TEX10: variants seen among roughly 807,000 people sequenced by gnomAD.
TEX10 encodes testis-expressed protein 10.
In TEX10, 24 loss-of-function variants were observed where a neutral mutation model predicts 104.4. The observed-to-expected ratio is 0.23, with a 90% CI of 0.17 to 0.32. The LOEUF (loss-of-function observed/expected upper bound fraction) is 0.32, where lower values mean the gene tolerates loss of function less well. TEX10 is among the 10% of genes least tolerant of loss of function. The pLI, the probability that TEX10 is intolerant of heterozygous loss-of-function variation, is 1.00. For synonymous variants in TEX10, 396 were observed against 393.4 expected (o/e 1.01, Z -0.08); for missense variants, 921 against 1,083.9 (o/e 0.85, Z 2.11).
At chr9:100,305,712 A>G (rs1834127140) in intron 13 of TEX10, 1 of 152,268 alleles carries the variant, frequency 6.6e-6, no homozygotes, top group East Asian at 1.9e-4. Context: ...AACAGTCATA[A>G]AAACTGTATG....
chr9:100,312,737 G>A (rs1834311564), intron 11 of TEX10, among the ~76,000 whole-genome samples: 2 of 152,124 alleles, frequency 1.3e-5, no homozygotes, highest in African/African-American at 4.8e-5. Context: ...CCGTATAGAA[G>A]CTGAGCTTTC....
intron 10 of TEX10, among the ~76,000 whole-genome samples, chr9:100,320,753 C>T (rs1224351962): frequency 1.3e-5 from 2 of 152,196 alleles, no homozygotes; most frequent in African/African-American, 4.8e-5. Context: ...CAGTAATATA[C>T]TCCTACATAT....
chr9:100,318,807 C>T (rs982267628), intron 11 of TEX10, among the ~76,000 whole-genome samples: 2 of 152,160 alleles, frequency 1.3e-5, no homozygotes, highest in Non-Finnish European at 2.9e-5. Context: ...CATATGCCTA[C>T]AGCCCCAGCT....
At chr9:100,312,442 A>G (rs1168259775) in intron 11 of TEX10, among the ~76,000 whole-genome samples, 1 of 152,260 alleles carries the variant, frequency 6.6e-6, no homozygotes, top group African/African-American at 2.4e-5. Flanking sequence ...CCAGGTTTCT[A>G]TCAGAGAAAG....
intron 11 of TEX10, among the ~76,000 whole-genome samples, chr9:100,313,897 C>T (rs1834345785): frequency 6.6e-6 from 1 of 151,126 alleles, no homozygotes; most frequent in Non-Finnish European, 1.5e-5. Context: ...CTTCTTTTCT[C>T]AGCGTGTCCC....
chr9:100,311,908 C>G (rs1834291810), intron 11 of TEX10, among the ~76,000 whole-genome samples: 1 of 152,028 alleles, frequency 6.6e-6, no homozygotes, highest in African/African-American at 2.4e-5. Flanking sequence ...CAGTTAAGTT[C>G]AAGAGAGCTG....
At chr9:100,324,259 C>G (rs1275411195) in intron 9 of TEX10, among the ~76,000 whole-genome samples, 1 of 152,114 alleles carries the variant, frequency 6.6e-6, no homozygotes, top group Non-Finnish European at 1.5e-5. Flanking sequence ...TCTCAAACTC[C>G]TGACCTCAAG....
rs1383999873 is a variant in TEX10 at position 100,303,950 on chromosome 9, A to G, written c.2466-108T>C. 33 of 1,098,588 alleles carry G rather than the reference A, an allele frequency of 3.0e-5. No homozygotes were observed. In the Admixed American group the frequency reaches 4.1e-4, roughly 14 times the overall value. The allele number at this position is 1,098,588 out of a possible 1,614,324, so 68.1% of individuals were successfully genotyped here. Reference sequence around the variant, plus strand: ...GTCCTTTTAAGGAACATGTTTTCCAATAACATTTAAACTGAGAGCCAAATC... The same window carrying G: ...GTCCTTTTAAGGAACATGTTTTCCAGTAACATTTAAACTGAGAGCCAAATC... On this transcript the variant is annotated intron_variant, in intron 13 of 14. Coordinates refer to ENST00000374902, the MANE Select transcript of TEX10 (RefSeq NM_017746.4).
intron 5 of TEX10, among the ~76,000 whole-genome samples, chr9:100,338,589 T>C (rs369948302): frequency 1.1e-4 from 16 of 152,250 alleles, no homozygotes; most frequent in African/African-American, 3.9e-4. Context: ...TTAAATTCTC[T>C]TGTTAAAAAA....
intron 1 of TEX10, 116 bp downstream of exon 1, chr9:100,352,656 G>A: frequency 1.4e-6 from 2 of 1,426,440 alleles, no homozygotes; most frequent in Admixed American, 2.8e-5. Context: ...CCCGGGGGAC[G>A]CAAATCGTGC....
At chr9:100,348,914 T>A (rs10819763) in intron 2 of TEX10, among the ~76,000 whole-genome samples, 88,711 of 150,160 alleles carry the variant, frequency 0.59, 27,451 homozygotes, top group East Asian at 0.89. Context: ...TGTCTCAAAA[T>A]AAATAAATAA....
At chr9:100,320,852 A>G (rs1834551901) in intron 10 of TEX10, among the ~76,000 whole-genome samples, 1 of 152,206 alleles carries the variant, frequency 6.6e-6, no homozygotes, top group Non-Finnish European at 1.5e-5. Flanking sequence ...TTGACAATAC[A>G]TGTATAGTTC....
chr9:100,310,636 C>T (rs1405411854), intron 11 of TEX10, among the ~76,000 whole-genome samples: 1 of 152,096 alleles, frequency 6.6e-6, no homozygotes. Context: ...TGGGGTTCCA[C>T]CATTTTGCCC....
rs138696032 is a variant in TEX10, at chr9:100,310,258, C to T, written c.2283+41G>A. 22 of 1,533,260 alleles carry T rather than the reference C, an allele frequency of 1.4e-5. No homozygotes were observed. In the Admixed American group the frequency reaches 3.5e-4, roughly 25 times the overall value. 95.0% of individuals were successfully genotyped at this position (1,533,260 alleles called of 1,614,324 possible). On this transcript the variant is annotated intron_variant, in intron 12 of 14. Transcript: ENST00000374902. ...GAAAACTCTATTCTAACCAATGCAT[C>T]CTGTGTTCATTCTTAAGAGAAAAAG...
intron 10 of TEX10, among the ~76,000 whole-genome samples, 160 bp downstream of exon 10, chr9:100,321,523 T>C (rs763221032): frequency 3.3e-5 from 5 of 152,188 alleles, no homozygotes; most frequent in Admixed American, 6.5e-5. Context: ...GTTAGAAATA[T>C]TCTTTCGATT....
At chr9:100,319,478 G>C (rs187102293) in intron 11 of TEX10, among the ~76,000 whole-genome samples, 1,541 of 152,184 alleles carry the variant, frequency 0.01, 12 homozygotes, top group Admixed American at 0.016. Flanking sequence ...TTAAATCAAA[G>C]TCCTCTTTTA....
chr9:100,323,928 TA>T (rs971355521), intron 9 of TEX10, among the ~76,000 whole-genome samples: 29 of 152,182 alleles, frequency 1.9e-4, no homozygotes, highest in African/African-American at 6.7e-4. Context: ...AAGTGGGAAA[TA>T]ATTTAAAAGT....
chr9:100,329,408 C>A, intron 6 of TEX10, 133 bp from the exon 7 acceptor site: 1 of 938,878 alleles, frequency 1.1e-6, no homozygotes, highest in Non-Finnish European at 1.6e-6. Context: ...TAGACAACTA[C>A]CATTGAAGTC....
At chr9:100,315,157 CTTG>C (rs1339197700) in intron 11 of TEX10, among the ~76,000 whole-genome samples, 3 of 152,034 alleles carry the variant, frequency 2.0e-5, no homozygotes. Context: ...TTTGTTGGGA[CTTG>C]TTGTGACCTA....
Sources: allele counts gnomAD v4.1 joint callset (sites outside exome capture counted in the v4.1 genomes callset), GRCh38; gene constraint gnomAD v4.1.1; transcripts MANE v1.5; gene names NCBI Gene and HGNC (gene_info 2026-07-23, HGNC 2026-07-21).